The following VRK3 variants were observed in gnomAD, a reference collection of about 807,000 sequenced individuals.
VRK3 encodes VRK serine/threonine kinase 3.
Under a neutral mutation model 60.4 loss-of-function variants are expected in VRK3, and 50 were observed. The observed-to-expected ratio is 0.83, with a 90% CI of 0.66 to 1.05. The LOEUF (loss-of-function observed/expected upper bound fraction) is 1.05. Ranked by LOEUF, VRK3 falls within the 50% of genes least tolerant of loss-of-function variation. VRK3 has a pLI of 0.00. For synonymous variants in VRK3, 246 were observed against 227.8 expected (o/e 1.08, Z -0.72); for missense variants, 549 against 585.3 (o/e 0.94, Z 0.64).
At chr19:49,985,179 G>A (rs533776963) in intron 12 of VRK3, among the ~76,000 whole-genome samples, 2 of 152,226 alleles carry the variant, frequency 1.3e-5, no homozygotes, top group Admixed American at 1.3e-4. Flanking sequence ...CTTACACAGG[G>A]ACTCCAGCGG....
At chr19:49,986,594 A>G (rs2076520089) in intron 12 of VRK3, 1 of 152,480 alleles carries the variant, frequency 6.6e-6, no homozygotes, top group African/African-American at 2.4e-5. Flanking sequence ...GCAGCTGTCC[A>G]TGGTTGAGAG....
At chr19:49,988,600 T>G (rs530392049) in intron 11 of VRK3, 108 bp from the exon 12 acceptor site, 2 of 1,421,748 alleles carry the variant, frequency 1.4e-6, no homozygotes, top group African/African-American at 2.9e-5. Flanking sequence ...CACACACTCA[T>G]ACACCCAGCC....
intron 1 of VRK3, among the ~76,000 whole-genome samples, chr19:50,022,748 T>C (rs1185533479): frequency 6.6e-6 from 1 of 152,040 alleles, no homozygotes; most frequent in African/African-American, 2.4e-5. Context: ...GAGCCAAGAT[T>C]GCACCGCTGC....
chr19:50,001,027 C>T lies in VRK3; in HGVS notation c.548-173G>A, dbSNP rs561369492. On this transcript the variant is annotated intron_variant, in intron 5 of 14. Transcript: ENST00000316763. The stretch of plus-strand genomic sequence containing the variant: ...CCTAGTTTTAAATAAGCTTCTTCTT[C>T]CTCTTTCTCTCTGTCACTATCCAGC... 5 of 606,984 alleles carry T rather than the reference C, an allele frequency of 8.2e-6. No homozygotes were observed. In the Admixed American group the frequency reaches 9.2e-5, roughly 11 times the overall value. The allele number at this position is 606,984 out of a possible 1,614,324, so 37.6% of individuals were successfully genotyped here. A position where few individuals can be genotyped will look rare whatever the true frequency, so the allele number is the denominator to read the frequency against.
chr19:50,000,678 G>A (rs2076788423), intron 6 of VRK3, 112 bp downstream of exon 6: 11 of 1,291,132 alleles, frequency 8.5e-6, no homozygotes, highest in Non-Finnish European at 1.2e-5. Flanking sequence ...TGCAGGTGGG[G>A]ACCCTGGCCC....
At chr19:50,018,857 C>A (rs1401472188) in intron 2 of VRK3, among the ~76,000 whole-genome samples, 1 of 152,004 alleles carries the variant, frequency 6.6e-6, no homozygotes, top group Non-Finnish European at 1.5e-5. Flanking sequence ...CTACTATGTA[C>A]CCAGGTAAAT....
At chr19:49,982,840 C>G (rs1263879379) in intron 12 of VRK3, among the ~76,000 whole-genome samples, 1 of 152,182 alleles carries the variant, frequency 6.6e-6, no homozygotes, top group Non-Finnish European at 1.5e-5. Flanking sequence ...TGCCCACTGC[C>G]TTTGCTCCAT....
intron 10 of VRK3, among the ~76,000 whole-genome samples, chr19:49,991,153 A>C (rs1005381571): frequency 2.0e-5 from 3 of 152,166 alleles, no homozygotes; most frequent in Non-Finnish European, 4.4e-5. Flanking sequence ...CATTTGGCCA[A>C]ACCCTATTCT....
chr19:49,979,451 A>G (rs1387911223), intron 13 of VRK3, among the ~76,000 whole-genome samples: 1 of 152,202 alleles, frequency 6.6e-6, no homozygotes, highest in Admixed American at 6.5e-5. Context: ...CACCAGTAGA[A>G]GGGCATGAAC....
chr19:49,980,904 C>T, intron 13 of VRK3, 51 bp downstream of exon 13: 6 of 1,552,000 alleles, frequency 3.9e-6, no homozygotes, highest in Non-Finnish European at 5.3e-6. Context: ...GGATCTGAGC[C>T]ACCAGGTCCT....
intron 6 of VRK3, chr19:49,999,572 A>G (rs1483940956): frequency 1.3e-5 from 2 of 152,306 alleles, no homozygotes; most frequent in Non-Finnish European, 2.9e-5. Context: ...TTCAGAACAG[A>G]GCTGCCTTCC....
At chr19:50,007,883 G>A (rs2076925857) in intron 4 of VRK3, 57 bp from the exon 5 acceptor site, 20 of 1,603,766 alleles carry the variant, frequency 1.2e-5, no homozygotes, top group Non-Finnish European at 1.7e-5. Context: ...AAAGTTAGAT[G>A]GGGAGTGAAA....
At chr19:49,985,468 G>C (rs908450717) in intron 12 of VRK3, among the ~76,000 whole-genome samples, 1 of 152,110 alleles carries the variant, frequency 6.6e-6, no homozygotes, top group Non-Finnish European at 1.5e-5. Flanking sequence ...CATCCTTCTT[G>C]CCACTGTTTA....
At chr19:49,987,739 G>A (rs989545752) in intron 12 of VRK3, 25 of 130,004 alleles carry the variant, frequency 1.9e-4, no homozygotes, top group African/African-American at 7.0e-4. Flanking sequence ...GTCTCGCTCT[G>A]TCGCCCAGGC....
intron 14 of VRK3, 39 bp downstream of exon 14, chr19:49,979,044 C>T: frequency 6.4e-7 from 1 of 1,553,752 alleles, no homozygotes; most frequent in Non-Finnish European, 8.7e-7. Flanking sequence ...CGGGTGAGGG[C>T]AAGGGGTGAG....
At chr19:50,004,455 G>A (rs2076860758) in intron 5 of VRK3, among the ~76,000 whole-genome samples, 1 of 151,994 alleles carries the variant, frequency 6.6e-6, no homozygotes, top group African/African-American at 2.4e-5. Context: ...CCTTTCTTGG[G>A]AGAAGCCAGA....
intron 10 of VRK3, among the ~76,000 whole-genome samples, chr19:49,991,518 T>TACACACACACACACACAC (rs937491646): frequency 7.3e-4 from 110 of 150,826 alleles, no homozygotes; most frequent in African/African-American, 2.5e-3. Context: ...AATAAATCTC[T>TACACACACACACACACAC]ACACACACAC....
chr19:49,986,215 G>C (rs913821700), intron 12 of VRK3: 1 of 152,016 alleles, frequency 6.6e-6, no homozygotes, highest in Non-Finnish European at 1.5e-5. Flanking sequence ...ACACATTTAG[G>C]AGTATTCAGA....
intron 1 of VRK3, among the ~76,000 whole-genome samples, chr19:50,023,024 C>A (rs1362576798): frequency 3.3e-5 from 5 of 152,162 alleles, no homozygotes; most frequent in Admixed American, 2.0e-4. Context: ...CCAATCGTGA[C>A]AAGAACGTTT....
Sources: allele counts gnomAD v4.1 joint callset (sites outside exome capture counted in the v4.1 genomes callset), GRCh38; gene constraint gnomAD v4.1.1; transcripts MANE v1.5; gene names NCBI Gene and HGNC (gene_info 2026-07-23, HGNC 2026-07-21).